The following SLC22A23 variants were observed in gnomAD, a reference collection of about 807,000 sequenced individuals.
SLC22A23 encodes solute carrier family 22 member 23, also known as ion transporter protein.
Under a neutral mutation model 61.0 loss-of-function variants are expected in SLC22A23, and 26 were observed. The ratio of observed to expected loss-of-function variants is 0.43; its 90% CI spans 0.31 to 0.59. The LOEUF is 0.59. Ranked by LOEUF, SLC22A23 falls within the 20% of genes least tolerant of loss-of-function variation. The probability of loss-of-function intolerance (pLI) is 0.11; values close to 1 mark genes in which losing one functional copy is unlikely to be tolerated. For missense variants in SLC22A23, 796 were observed against 934.7 expected (o/e 0.85, Z 1.94); for synonymous variants, 430 against 413.9 (o/e 1.04, Z -0.47).
intron 4 of SLC22A23, among the ~76,000 whole-genome samples, chr6:3,315,649 A>AG (rs1339350862): frequency 6.6e-6 from 1 of 152,088 alleles, no homozygotes; most frequent in Admixed American, 6.6e-5. Flanking sequence ...GCGGATCACT[A>AG]GGTCAGAGAT....
chr6:3,288,642 A>C (rs375723624), intron 6 of SLC22A23, among the ~76,000 whole-genome samples: 4 of 152,388 alleles, frequency 2.6e-5, no homozygotes, highest in African/African-American at 7.2e-5. Flanking sequence ...GAATCATTAA[A>C]ATGGAAACTC....
intron 4 of SLC22A23, among the ~76,000 whole-genome samples, chr6:3,315,307 G>A (rs928587890): frequency 3.3e-5 from 5 of 152,304 alleles, no homozygotes; most frequent in Admixed American, 6.5e-5. Context: ...TTCCCTTCTC[G>A]TGAACCTGGA....
chr6:3,346,995 T>C (rs1420837813), intron 3 of SLC22A23, among the ~76,000 whole-genome samples: 1 of 152,176 alleles, frequency 6.6e-6, no homozygotes, highest in East Asian at 1.9e-4. Flanking sequence ...GAATCACCAA[T>C]AACCCAAACA....
In SLC22A23 at chr6:3,272,874, GTT is replaced by G; in HGVS notation, c.*179_*180del. ...GTCTTGAAAGGGTTATTTCCAAAGA[GTT>G]TGTCTCCTCCGACCCGCGCTCCTTG... On this transcript the variant is annotated 3_prime_UTR_variant, in exon 10 of 10. Transcript: ENST00000406686. The G allele has an allele frequency of 1.9e-6, 1 of 537,562 alleles. No homozygotes were observed. The highest frequency in any genetic ancestry group is 3.0e-5 in the South Asian group (1 of 33,498). 33.3% of individuals were successfully genotyped at this position (537,562 alleles called of 1,614,324 possible).
intron 1 of SLC22A23, among the ~76,000 whole-genome samples, chr6:3,436,928 A>C (rs991581224): frequency 1.3e-5 from 2 of 152,218 alleles, no homozygotes; most frequent in Non-Finnish European, 2.9e-5. Flanking sequence ...GCTTCCCCGT[A>C]CTCAAGGAGA....
intron 9 of SLC22A23, among the ~76,000 whole-genome samples, chr6:3,280,425 A>T (rs1759337712): frequency 6.7e-6 from 1 of 150,088 alleles, no homozygotes; most frequent in Non-Finnish European, 1.5e-5. Flanking sequence ...CCGGCATGGG[A>T]CGCATGCTGG....
chr6:3,282,420 G>C (rs1044294856), intron 9 of SLC22A23: 11 of 659,980 alleles, frequency 1.7e-5, no homozygotes, highest in Non-Finnish European at 2.7e-5. Context: ...TGGGCCTGTA[G>C]GATACGATCC....
chr6:3,344,531 C>G (rs7746648), intron 3 of SLC22A23, among the ~76,000 whole-genome samples: 21,114 of 152,174 alleles, frequency 0.14, 4,229 homozygotes, highest in African/African-American at 0.45. Flanking sequence ...AACCTGGGCT[C>G]TGGGGCCAAA....
At position 3,271,598 on chromosome 6, in the gene SLC22A23, A is replaced by G. The variant is rs1376032027; in HGVS notation, c.*1457T>C. The stretch of plus-strand genomic sequence containing the variant: ...GAAGGACACAGCCCATGGCAAAGAC[A>G]TGCTTCGAGAAGGGATGAGTTGGAC... On this transcript the variant is annotated 3_prime_UTR_variant, in exon 10 of 10. Coordinates refer to ENST00000406686, the MANE Select transcript of SLC22A23 (RefSeq NM_015482.2). 2 of 152,388 alleles carry G rather than the reference A, an allele frequency of 1.3e-5. No individual in the cohort carries two copies. Among genetic ancestry groups the G allele is most frequent in the Non-Finnish European group, 2.9e-5 (2 of 68,054 alleles). 9.4% of individuals were successfully genotyped at this position (152,388 alleles called of 1,614,324 possible).
chr6:3,305,552 A>T (rs951557148), intron 4 of SLC22A23, among the ~76,000 whole-genome samples: 1 of 152,230 alleles, frequency 6.6e-6, no homozygotes, highest in African/African-American at 2.4e-5. Flanking sequence ...TAGTTTGGAT[A>T]ATGTGCAGCG....
chr6:3,283,630 C>A (rs975574081), intron 9 of SLC22A23: 6 of 564,872 alleles, frequency 1.1e-5, no homozygotes, highest in Non-Finnish European at 1.9e-5. Context: ...TTCCCCCTTC[C>A]TCCTGCTGCT....
chr6:3,432,078 T>C (rs1378712149), intron 1 of SLC22A23: 1 of 321,792 alleles, frequency 3.1e-6, no homozygotes, highest in Admixed American at 6.5e-5. Flanking sequence ...CTTTATGCTA[T>C]AGGTGTCATC....
intron 1 of SLC22A23, among the ~76,000 whole-genome samples, chr6:3,447,692 C>T (rs1771968052): frequency 6.7e-6 from 1 of 149,416 alleles, no homozygotes; most frequent in Non-Finnish European, 1.5e-5. Context: ...GGGTTCACGC[C>T]ATTCTCCTGC....
At chr6:3,294,618 T>C (rs78978747) in intron 5 of SLC22A23, among the ~76,000 whole-genome samples, 2,842 of 152,282 alleles carry the variant, frequency 0.019, 59 homozygotes, top group African/African-American at 0.047. Context: ...CACGGCCACA[T>C]TGGGAACCAG....
chr6:3,407,989 TA>T, intron 3 of SLC22A23, among the ~76,000 whole-genome samples: 1 of 152,338 alleles, frequency 6.6e-6, no homozygotes, highest in South Asian at 2.1e-4. Context: ...GTTGAAAAAT[TA>T]TGGCCCACTG....
intron 4 of SLC22A23, 144 bp from the exon 5 acceptor site, chr6:3,298,362 CTG>C: frequency 3.4e-6 from 3 of 873,874 alleles, no homozygotes; most frequent in South Asian, 2.0e-5. Context: ...GGAGATAAAA[CTG>C]TGGGCACTGA....
At chr6:3,423,348 A>G (rs1188117001) in intron 1 of SLC22A23, among the ~76,000 whole-genome samples, 1 of 152,144 alleles carries the variant, frequency 6.6e-6, no homozygotes, top group Non-Finnish European at 1.5e-5. Context: ...CATCTTTCTC[A>G]GCAGAGGTTT....
rs1767590272 is a variant in SLC22A23 at position 3,390,409 on chromosome 6, C to T, written c.913+19779G>A. ...CCACTCTCCCTCTCTCCTCCCTCCCCAAAGTCCAATTAAGTCCAAGTGCCA... is the reference window on the plus strand; with the variant it reads ...CCACTCTCCCTCTCTCCTCCCTCCCTAAAGTCCAATTAAGTCCAAGTGCCA... On this transcript the variant is annotated intron_variant, in intron 3 of 9. Coordinates refer to ENST00000406686, the MANE Select transcript of SLC22A23 (RefSeq NM_015482.2). The surrounding 1 kb of genome is among the most constrained non-coding windows in gnomAD (Gnocchi z 4.0). Among the ~76,000 whole-genome samples, 1 of 152,130 alleles carries T rather than the reference C, an allele frequency of 6.6e-6. No homozygotes were observed. Among genetic ancestry groups the T allele is most frequent in the Admixed American group, 6.5e-5 (1 of 15,278 alleles).
intron 3 of SLC22A23, among the ~76,000 whole-genome samples, chr6:3,334,154 T>C (rs762309746): frequency 2.6e-5 from 4 of 152,204 alleles, no homozygotes; most frequent in Non-Finnish European, 5.9e-5. Context: ...AACTGGATGT[T>C]GGCTGTTTTT....
Sources: gnomAD v4.1 joint callset for allele counts (sites outside exome capture counted in the v4.1 genomes callset) on GRCh38, gnomAD v4.1.1 for gene constraint, Gnocchi (gnomAD v3.1) non-coding constraint, MANE v1.5 for transcripts, NCBI Gene and HGNC (gene_info 2026-07-23, HGNC 2026-07-21) for gene names.